LMO4: variants seen among roughly 807,000 people sequenced by gnomAD.
LMO4 encodes the protein LIM domain only 4.
In LMO4, 3 loss-of-function variants were observed where a neutral mutation model predicts 18.5. The ratio of observed to expected loss-of-function variants is 0.16; its 90% CI spans 0.07 to 0.42. The LOEUF is 0.42. Among genes scored for constraint, LMO4 ranks in the 10% least tolerant of loss-of-function variants. The probability of loss-of-function intolerance (pLI) is 0.99; values close to 1 mark genes in which losing one functional copy is unlikely to be tolerated. For missense variants in LMO4, 121 were observed against 219.9 expected (o/e 0.55, Z 2.84); for synonymous variants, 100 against 88.1 (o/e 1.14, Z -0.76).
chr1:87,335,457 C>G (rs998357146), intron 2 of LMO4, among the ~76,000 whole-genome samples: 3 of 151,776 alleles, frequency 2.0e-5, no homozygotes, highest in African/African-American at 7.2e-5. Flanking sequence ...CTCGGGCCCA[C>G]GAGGGGGCGA....
At chr1:87,338,457 G>A (rs1005789711) in intron 2 of LMO4, among the ~76,000 whole-genome samples, 1 of 152,162 alleles carries the variant, frequency 6.6e-6, no homozygotes, top group African/African-American at 2.4e-5. Context: ...ACCTTTCAAT[G>A]TGAAATCATT....
rs1048817916 is a variant in LMO4 at position 87,347,471 on chromosome 1, A to G, written c.*2675A>G. On this transcript the variant is annotated 3_prime_UTR_variant, in exon 5 of 5. Transcript: ENST00000370544. ...TCAACATTGCTTAGGAAAAAAAAAA[A>G]TCTATGAGTTTATTCCACCTTTCAT... is the stretch of plus-strand genomic sequence containing the variant. 1 of 152,076 alleles carries G rather than the reference A, an allele frequency of 6.6e-6. No individual in the cohort carries two copies. Among genetic ancestry groups the G allele is most frequent in the Admixed American group, 6.5e-5 (1 of 15,276 alleles). The allele number at this position is 152,076 out of a possible 1,614,324, so 9.4% of individuals were successfully genotyped here. A position where few individuals can be genotyped will look rare whatever the true frequency, so the allele number is the denominator to read the frequency against.
chr1:87,336,977 A>ATCAC (rs1553157571), intron 2 of LMO4, among the ~76,000 whole-genome samples: 5 of 151,768 alleles, frequency 3.3e-5, no homozygotes, highest in African/African-American at 1.2e-4. Context: ...GTTGTGAAAA[A>ATCAC]ACACACACAC....
At chr1:87,338,625 T>C (rs561263142) in intron 2 of LMO4, among the ~76,000 whole-genome samples, 37 of 152,350 alleles carry the variant, frequency 2.4e-4, no homozygotes, top group African/African-American at 8.7e-4. Context: ...ATTATGTATA[T>C]GTTTTTCTTC....
rs1027599129 is a variant in LMO4 at position 87,347,667 on chromosome 1, A to T, written c.*2871A>T. The T allele has an allele frequency of 1.3e-5, 2 of 152,184 alleles. No homozygotes were observed. Among genetic ancestry groups the T allele is most frequent in the African/African-American group, 2.4e-5 (1 of 41,416 alleles). 9.4% of individuals were successfully genotyped at this position (152,184 alleles called of 1,614,324 possible). A position where few individuals can be genotyped will look rare whatever the true frequency, so the allele number is the denominator to read the frequency against. ...CCCTGCTGAACTCCTGATAAAAAAAATTATGTTTATGGTACATATAAATGT... is the reference window on the plus strand; with the variant it reads ...CCCTGCTGAACTCCTGATAAAAAAATTTATGTTTATGGTACATATAAATGT... On this transcript the variant is annotated 3_prime_UTR_variant, in exon 5 of 5. Transcript: ENST00000370544.
chr1:87,334,966 ATGAG>A (rs1260681447), intron 2 of LMO4, among the ~76,000 whole-genome samples: 7 of 150,480 alleles, frequency 4.7e-5, no homozygotes, highest in Non-Finnish European at 1.0e-4. Context: ...TCCGCAATGA[ATGAG>A]AGCTGCGTCG....
intron 2 of LMO4, among the ~76,000 whole-genome samples, chr1:87,334,235 C>T (rs1281081884): frequency 2.0e-5 from 3 of 152,312 alleles, no homozygotes; most frequent in Admixed American, 2.0e-4. Context: ...CAGGCTCGCT[C>T]TTGAACTACA....
At chr1:87,330,208 AATAC>A (rs906518329) in intron 1 of LMO4, among the ~76,000 whole-genome samples, 6 of 151,982 alleles carry the variant, frequency 3.9e-5, no homozygotes, top group Non-Finnish European at 7.4e-5. Context: ...TCAAAAAAAA[AATAC>A]ATATATATTT....
chr1:87,334,574 C>A (rs1393863025), intron 2 of LMO4, among the ~76,000 whole-genome samples: 1 of 152,208 alleles, frequency 6.6e-6, no homozygotes, highest in East Asian at 1.9e-4. Flanking sequence ...AAGGGGACCC[C>A]TTGGTCCGAC....
At chr1:87,344,710 AC>A in intron 4 of LMO4, 77 bp from the exon 5 acceptor site, 1 of 1,407,258 alleles carries the variant, frequency 7.1e-7, no homozygotes, top group East Asian at 2.3e-5. Flanking sequence ...TGTGGGGAAG[AC>A]AAAAGCAGTC....
At position 87,340,257 on chromosome 1, in the gene LMO4, C is replaced by T. The variant is rs1382728178; in HGVS notation, c.489+55C>T. ...TATTAGAGCAAGTTGGAAGGTTCAA[C>T]CTCTTAACCTAGCAAGAGAGTTTTC... On this transcript the variant is annotated intron_variant, in intron 4 of 4. Coordinates refer to ENST00000370544, the MANE Select transcript of LMO4 (RefSeq NM_006769.4). The T allele has an allele frequency of 3.2e-6, 5 of 1,538,716 alleles. No individual in the cohort carries two copies. The Admixed American group carries it at 7.8e-5, about 24-fold the overall frequency.
intron 2 of LMO4, among the ~76,000 whole-genome samples, chr1:87,333,337 T>C (rs1650205570): frequency 6.9e-6 from 1 of 145,332 alleles, no homozygotes; most frequent in East Asian, 2.0e-4. Flanking sequence ...CAGTTGATAC[T>C]AGAAAACCGC....
chr1:87,336,113 G>A (rs192384509), intron 2 of LMO4, among the ~76,000 whole-genome samples: 70 of 151,776 alleles, frequency 4.6e-4, no homozygotes, highest in Admixed American at 8.5e-4. Flanking sequence ...TAGTTTTTCC[G>A]AAGTACCTTT....
rs910985340 is a variant in LMO4, at chr1:87,345,836, A to G, written c.*1040A>G. The G allele has an allele frequency of 5.9e-5, 9 of 152,206 alleles. No homozygotes were observed. Among genetic ancestry groups the G allele is most frequent in the African/African-American group, 2.2e-4 (9 of 41,442 alleles). 9.4% of individuals were successfully genotyped at this position (152,206 alleles called of 1,614,324 possible). On this transcript the variant is annotated 3_prime_UTR_variant, in exon 5 of 5. Coordinates refer to ENST00000370544, the MANE Select transcript of LMO4 (RefSeq NM_006769.4). ...AATATTCTGTTAACAGCATTTCGTTACACTTCTATATCACAGTAAGTCTTT... is the reference window on the plus strand; with the variant it reads ...AATATTCTGTTAACAGCATTTCGTTGCACTTCTATATCACAGTAAGTCTTT...
Position 87,332,254 on chromosome 1 carries a change from A to G in LMO4, c.236+3A>G. 1.2e-6 allele frequency: 2 copies of G among 1,606,760 alleles called. No homozygotes were observed. The highest frequency in any genetic ancestry group is 8.5e-7 in the Non-Finnish European group (1 of 1,173,532). Reference sequence around the variant, plus strand: ...CTTTGCAGAAATGACTACATTAGGTAAGACTTTGCTGTCTTTCCTGGAGAT... The same window carrying G: ...CTTTGCAGAAATGACTACATTAGGTGAGACTTTGCTGTCTTTCCTGGAGAT... On this transcript the variant is annotated splice_donor_region_variant and intron_variant, in intron 2 of 4. Coordinates refer to ENST00000370544, the MANE Select transcript of LMO4 (RefSeq NM_006769.4).
In LMO4 at chr1:87,347,242, A is replaced by C. The variant is rs903979870; in HGVS notation, c.*2446A>C. The C allele has an allele frequency of 6.6e-6, 1 of 152,174 alleles. No homozygotes were observed. The highest frequency in any genetic ancestry group is 2.4e-5 in the African/African-American group (1 of 41,434). The allele number at this position is 152,174 out of a possible 1,614,324, so 9.4% of individuals were successfully genotyped here. A position where few individuals can be genotyped will look rare whatever the true frequency, so the allele number is the denominator to read the frequency against. ...TTCTCTTTGATGTGCTAAATTGGAG[A>C]AGGACTAATGGAGCTATGAATATAC... On this transcript the variant is annotated 3_prime_UTR_variant, in exon 5 of 5. Transcript: ENST00000370544.
At position 87,348,894 on chromosome 1, in the gene LMO4, A is replaced by G. The variant is rs1186788009; in HGVS notation, c.*4098A>G. 4.6e-6 allele frequency: 2 copies of G among 435,262 alleles called. No homozygotes were observed. Among genetic ancestry groups the G allele is most frequent in the African/African-American group, 2.0e-5 (1 of 49,224 alleles). 27.0% of individuals were successfully genotyped at this position (435,262 alleles called of 1,614,324 possible). ...ACAGGGCCATTCTATTTCCTAAATC[A>G]CAACTAATAAAGCAGAGGATGAAAA... On this transcript the variant is annotated 3_prime_UTR_variant, in exon 5 of 5. Coordinates refer to ENST00000370544, the MANE Select transcript of LMO4 (RefSeq NM_006769.4).
At chr1:87,332,856 G>C (rs536416403) in intron 2 of LMO4, among the ~76,000 whole-genome samples, 9 of 152,274 alleles carry the variant, frequency 5.9e-5, no homozygotes, top group African/African-American at 1.9e-4. Flanking sequence ...ATAAAACCTG[G>C]TGGTAATGTT....
rs930257476 is a variant in LMO4 at position 87,345,880 on chromosome 1, A to G, written c.*1084A>G. 2.6e-5 allele frequency: 4 copies of G among 152,216 alleles called. No homozygotes were observed. Among genetic ancestry groups the G allele is most frequent in the Non-Finnish European group, 5.9e-5 (4 of 68,028 alleles). 9.4% of individuals were successfully genotyped at this position (152,216 alleles called of 1,614,324 possible). A position where few individuals can be genotyped will look rare whatever the true frequency, so the allele number is the denominator to read the frequency against. On this transcript the variant is annotated 3_prime_UTR_variant, in exon 5 of 5. Transcript: ENST00000370544. ...AGTCTTTTGTGTTTATAAATACTTG[A>G]GTGTCCACTATTTTGTTTATTCTTT...
Sources: gnomAD v4.1 joint callset for allele counts (sites outside exome capture counted in the v4.1 genomes callset) on GRCh38, gnomAD v4.1.1 for gene constraint, MANE v1.5 for transcripts, NCBI Gene and HGNC (gene_info 2026-07-23, HGNC 2026-07-21) for gene names.